The following MYO16 variants were observed in gnomAD, a reference collection of about 807,000 sequenced individuals.
MYO16 encodes unconventional myosin-XVI.
In MYO16, 94 loss-of-function variants were observed where a neutral mutation model predicts 205.3. That is an observed-to-expected ratio of 0.46 (90% CI 0.39 to 0.54). The LOEUF (loss-of-function observed/expected upper bound fraction) is 0.54, where lower values mean the gene tolerates loss of function less well. Ranked by LOEUF, MYO16 falls within the 20% of genes least tolerant of loss-of-function variation. The pLI is 0.00. For synonymous variants in MYO16, 988 were observed against 954.0 expected (o/e 1.04, Z -0.66); for missense variants, 2,315 against 2,387.5 (o/e 0.97, Z 0.63).
At chr13:108,560,225 A>G in the MYO16 span, among the ~76,000 whole-genome samples, 1 of 152,208 alleles carries the variant, frequency 6.6e-6, no homozygotes, top group Non-Finnish European at 1.5e-5. Context: ...GTCTATTCAT[A>G]TGATGCAGTT....
In MYO16 at chr13:108,962,455, A is replaced by G. The variant is rs781381619; in HGVS notation, c.2187A>G (p.Glu729=). 1.2e-6 allele frequency: 2 copies of G among 1,601,060 alleles called. No homozygotes were observed. Among genetic ancestry groups the G allele is most frequent in the South Asian group, 2.3e-5 (2 of 88,086 alleles). The change falls in exon 19 of 35, where the codon GAA becomes GAG. Residue 729 remains glutamate (E), a synonymous_variant. Transcript: ENST00000457511. The part of the protein sequence containing the change: ...VAGMLQVSTD[E]LASALTTDIQ... ...GAATGTTACAAGTATCAACAGATGA[A>G]TTGGCATCTGCCTTAACAACTGATA...
At chr13:109,188,859 C>T (rs1879793994) in intron 34 of MYO16, among the ~76,000 whole-genome samples, 1 of 152,038 alleles carries the variant, frequency 6.6e-6, no homozygotes, top group African/African-American at 2.4e-5. Context: ...TTTGGGAGGC[C>T]GACTTGGGTG....
chr13:109,178,023 C>T (rs1447546818), intron 33 of MYO16, among the ~76,000 whole-genome samples: 1 of 152,128 alleles, frequency 6.6e-6, no homozygotes. Flanking sequence ...CACATGAATC[C>T]CAAGCCCTTT....
the MYO16 span, among the ~76,000 whole-genome samples, chr13:108,531,836 C>A: frequency 5.9e-5 from 9 of 152,058 alleles, no homozygotes; most frequent in Admixed American, 6.6e-5. Flanking sequence ...CATTGAAGAA[C>A]CCCTACATTT....
chr13:108,578,374 A>C, the MYO16 span, among the ~76,000 whole-genome samples: 2 of 152,264 alleles, frequency 1.3e-5, no homozygotes, highest in Non-Finnish European at 2.9e-5. Flanking sequence ...AATCCATTTC[A>C]CAGTTCCTAT....
intron 24 of MYO16, chr13:109,048,320 T>A: frequency 1.6e-6 from 1 of 642,710 alleles, no homozygotes; most frequent in South Asian, 1.8e-5. Flanking sequence ...CAATTCAGTC[T>A]TTTTTTTTAT....
intron 9 of MYO16, among the ~76,000 whole-genome samples, chr13:108,826,773 C>T (rs1876292633): frequency 6.6e-6 from 1 of 152,034 alleles, no homozygotes; most frequent in Non-Finnish European, 1.5e-5. Flanking sequence ...CAAGCACACA[C>T]AAAAATACTC....
chr13:108,995,078 G>A (rs1884960726), intron 21 of MYO16, among the ~76,000 whole-genome samples: 1 of 152,194 alleles, frequency 6.6e-6, no homozygotes, highest in South Asian at 2.1e-4. Context: ...ATCTTAGTCA[G>A]TTCAGGCAGC....
chr13:108,827,245 T>TG (rs1419953583), intron 9 of MYO16, among the ~76,000 whole-genome samples: 5 of 152,064 alleles, frequency 3.3e-5, no homozygotes, highest in African/African-American at 9.7e-5. Context: ...AAAGGTGATT[T>TG]GTTTTTTTTT....
intron 6 of MYO16, among the ~76,000 whole-genome samples, chr13:108,799,426 A>T (rs868338512): frequency 2.6e-5 from 4 of 152,236 alleles, no homozygotes; most frequent in African/African-American, 4.8e-5. Context: ...CTTCTATATC[A>T]TTCCACTAAG....
chr13:109,088,994 C>T (rs1179556615), intron 27 of MYO16, among the ~76,000 whole-genome samples: 1 of 151,982 alleles, frequency 6.6e-6, no homozygotes, highest in Admixed American at 6.6e-5. Context: ...GTCTTAGAAT[C>T]TTAAGAGATT....
At chr13:108,830,026 C>G (rs901897058) in intron 9 of MYO16, among the ~76,000 whole-genome samples, 5 of 141,234 alleles carry the variant, frequency 3.5e-5, no homozygotes, top group Non-Finnish European at 6.2e-5. Context: ...CCATCACTGG[C>G]CATCAGAGAA....
At chr13:108,897,707 G>A (rs1415029027) in intron 14 of MYO16, among the ~76,000 whole-genome samples, 3 of 152,122 alleles carry the variant, frequency 2.0e-5, no homozygotes, top group Non-Finnish European at 2.9e-5. Flanking sequence ...TTGAAATCTT[G>A]ATAACATTTG....
intron 3 of MYO16, among the ~76,000 whole-genome samples, chr13:108,714,151 G>C (rs527740082): frequency 1.3e-5 from 2 of 151,292 alleles, no homozygotes; most frequent in Non-Finnish European, 3.0e-5. Context: ...CCGTCTCCTG[G>C]TTCACGCCAT....
In MYO16 at chr13:109,127,187, C is replaced by T; in HGVS notation, c.3783-95C>T. The T allele has an allele frequency of 4.2e-6, 6 of 1,422,020 alleles. No individual in the cohort carries two copies. The highest frequency in any genetic ancestry group is 5.6e-6 in the Non-Finnish European group (6 of 1,076,318). The allele number at this position is 1,422,020 out of a possible 1,614,324, so 88.1% of individuals were successfully genotyped here. ...CAGGAAGGGCTGCTTGCCAAAAAGC[C>T]GTCATTATGTCTGCTTGAGCAGGTT... is the stretch of plus-strand genomic sequence containing the variant. On this transcript the variant is annotated intron_variant, in intron 30 of 34. Coordinates refer to ENST00000457511, the MANE Select transcript of MYO16 (RefSeq NM_001198950.3). This position sits in a 1 kb window ranked among gnomAD's most constrained non-coding sequence, Gnocchi z 4.2.
intron 1 of MYO16, among the ~76,000 whole-genome samples, chr13:108,656,449 A>G (rs1881249314): frequency 6.6e-6 from 1 of 152,172 alleles, no homozygotes; most frequent in African/African-American, 2.4e-5. Flanking sequence ...AGCAACATGA[A>G]AATGGACTAA....
chr13:109,072,343 T>C (rs1361907550), intron 27 of MYO16, among the ~76,000 whole-genome samples: 3 of 152,198 alleles, frequency 2.0e-5, no homozygotes, highest in Non-Finnish European at 4.4e-5. Context: ...CACTATCCCA[T>C]AATATCTTCT....
chr13:108,946,772 C>T (rs968989955), intron 16 of MYO16, among the ~76,000 whole-genome samples: 2 of 151,774 alleles, frequency 1.3e-5, no homozygotes, highest in Non-Finnish European at 2.9e-5. Context: ...GATATAGTCT[C>T]GCTCTGTCAC....
chr13:108,522,151 G>C, the MYO16 span, among the ~76,000 whole-genome samples: 1 of 152,176 alleles, frequency 6.6e-6, no homozygotes, highest in African/African-American at 2.4e-5. Flanking sequence ...TCTTGGAAAG[G>C]AATCTTCTTA....
Sources: allele counts gnomAD v4.1 joint callset (sites outside exome capture counted in the v4.1 genomes callset), GRCh38; gene constraint gnomAD v4.1.1; non-coding constraint Gnocchi (gnomAD v3.1); transcripts MANE v1.5; gene names NCBI Gene and HGNC (gene_info 2026-07-23, HGNC 2026-07-21).